AMPH: variants seen among roughly 807,000 people sequenced by gnomAD.
AMPH encodes amphiphysin (Stiff-Mann syndrome with breast cancer 128kD autoantigen).
In AMPH, 49 loss-of-function variants were observed where a neutral mutation model predicts 99.1. That is an observed-to-expected ratio of 0.49 (90% CI 0.39 to 0.63). The LOEUF is 0.63. Among genes scored for constraint, AMPH ranks in the 20% least tolerant of loss-of-function variants. The pLI is 0.00. For missense variants in AMPH, 759 were observed against 863.4 expected, an observed-to-expected ratio of 0.88 and a Z score of 1.52; for synonymous variants, 314 against 317.3, an observed-to-expected ratio of 0.99 and a Z score of 0.11.
chr7:38,534,922 T>C lies in AMPH; in HGVS notation c.150+9A>G. The C allele has an allele frequency of 6.2e-7, 1 of 1,611,822 alleles. No homozygotes were observed. The highest frequency in any genetic ancestry group is 8.5e-7 in the Non-Finnish European group (1 of 1,178,118). On this transcript the variant is annotated intron_variant, in intron 2 of 20. Transcript: ENST00000356264. ...TTTCCCACTCCAGAAACTAAACAAA[T>C]GGACTCACTTCTTGCCGTTTGAAGT...
intron 1 of AMPH, 115 bp from the exon 2 acceptor site, chr7:38,535,126 A>G (rs1165435845): frequency 2.5e-6 from 2 of 814,328 alleles, no homozygotes; most frequent in Admixed American, 2.4e-5. Flanking sequence ...GAGCAAAACT[A>G]TCAGCACTTC....
At chr7:38,401,943 G>A (rs1412839087) in intron 17 of AMPH, among the ~76,000 whole-genome samples, 2 of 151,986 alleles carry the variant, frequency 1.3e-5, no homozygotes, top group African/African-American at 4.8e-5. Flanking sequence ...CTACCCATGA[G>A]CTGTATCTTC....
At chr7:38,387,244 G>T (rs1481818645) in intron 20 of AMPH, among the ~76,000 whole-genome samples, 1 of 152,086 alleles carries the variant, frequency 6.6e-6, no homozygotes, top group Non-Finnish European at 1.5e-5. Context: ...AAAATTATTA[G>T]ACATGGAAAA....
In AMPH at chr7:38,571,279, T is replaced by TTATATATATTTATATATATA. The variant is rs1562835234; in HGVS notation, c.70-36269_70-36268insTATATATATAAATATATATA. 1.5e-4 allele frequency among the ~76,000 whole-genome samples: 5 copies of TTATATATATTTATATATATA among 33,808 alleles called. 1 individual carries two copies. The highest frequency in any genetic ancestry group is 2.2e-4 in the Non-Finnish European group (5 of 22,322). The allele number at this position is 33,808 out of a possible 152,430, so 22.2% of individuals were successfully genotyped here. A position where few individuals can be genotyped will look rare whatever the true frequency, so the allele number is the denominator to read the frequency against. On this transcript the variant is annotated intron_variant, in intron 1 of 20. Transcript: ENST00000356264. ...ATTAAATATATATTTATATATATAT[T>TTATATATATTTATATATATA]TTTATATATATTTATATATGAATAT... is the stretch of plus-strand genomic sequence containing the variant.
intron 2 of AMPH, among the ~76,000 whole-genome samples, chr7:38,515,780 G>A (rs760622814): frequency 2.0e-5 from 3 of 152,240 alleles, no homozygotes; most frequent in Non-Finnish European, 4.4e-5. Flanking sequence ...TCATTAAATT[G>A]TTGTAACCAA....
Position 38,394,158 on chromosome 7 carries a change from C to T in AMPH, c.1455G>A (p.Glu485=). Residue 485 remains glutamate (E), a synonymous_variant, in exon 18 of 21, where the codon GAG becomes GAA. Coordinates refer to ENST00000356264, the MANE Select transcript of AMPH (RefSeq NM_001635.4). ...CCTCTGCTTCCTCTCCTGGGGCCCC[C>T]TCAGCTGCTGACACCAAGGTTCCAA... ...AAVGTLVSAA[E]GAPGEEAEAE... is the part of the protein sequence containing the mutation. 2 of 1,614,236 alleles carry T rather than the reference C, an allele frequency of 1.2e-6. No individual in the cohort carries two copies. Among genetic ancestry groups the T allele is most frequent in the Non-Finnish European group, 1.7e-6 (2 of 1,180,044 alleles).
chr7:38,608,964 C>A (rs912103681), intron 1 of AMPH, among the ~76,000 whole-genome samples: 6 of 152,144 alleles, frequency 3.9e-5, no homozygotes, highest in Non-Finnish European at 8.8e-5. Flanking sequence ...ACGTGCTTTA[C>A]GTAGTCAATG....
intron 1 of AMPH, among the ~76,000 whole-genome samples, chr7:38,576,810 G>C (rs1345430344): frequency 6.6e-6 from 1 of 152,160 alleles, no homozygotes; most frequent in East Asian, 1.9e-4. Context: ...TGGACTTACA[G>C]TCAGAATCCG....
intron 12 of AMPH, among the ~76,000 whole-genome samples, chr7:38,432,587 TACAC>T (rs10556315): frequency 0.35 from 51,307 of 147,976 alleles, 9,513 homozygotes; most frequent in Non-Finnish European, 0.43. Context: ...GTTATTTTAA[TACAC>T]ACACACACAC....
chr7:38,616,301 T>C (rs920010321), intron 1 of AMPH, among the ~76,000 whole-genome samples: 3 of 152,148 alleles, frequency 2.0e-5, no homozygotes, highest in African/African-American at 7.2e-5. Context: ...ATGAGTCCCA[T>C]GGGGATGCAG....
chr7:38,570,093 T>C (rs1791887782), intron 1 of AMPH, among the ~76,000 whole-genome samples: 1 of 152,160 alleles, frequency 6.6e-6, no homozygotes, highest in Non-Finnish European at 1.5e-5. Context: ...TAACGAGTCC[T>C]GGAATTGGAG....
At chr7:38,427,451 G>A (rs1372478005) in intron 14 of AMPH, among the ~76,000 whole-genome samples, 7 of 152,158 alleles carry the variant, frequency 4.6e-5, no homozygotes, top group Non-Finnish European at 1.0e-4. Flanking sequence ...AACCACTTCA[G>A]GAACAGTAAA....
intron 16 of AMPH, 172 bp from the exon 17 acceptor site, chr7:38,418,122 A>G: frequency 1.8e-6 from 1 of 558,048 alleles, no homozygotes; most frequent in Non-Finnish European, 2.9e-6. Flanking sequence ...TAGAGAATGG[A>G]AAAGACTAGA....
At chr7:38,503,494 G>C (rs544003232) in intron 3 of AMPH, among the ~76,000 whole-genome samples, 156 bp downstream of exon 3, 1 of 108,194 alleles carries the variant, frequency 9.2e-6, no homozygotes, top group East Asian at 4.6e-4. Flanking sequence ...GGAATTTGGG[G>C]CGGGGGGGTG....
In AMPH at chr7:38,556,494, C is replaced by T. The variant is rs6462850; in HGVS notation, c.70-21483G>A. ...CTCACCAGATATGGGGAGATACCAG[C>T]GAAGGCCCTCACTCACTGTAGTCCC... On this transcript the variant is annotated intron_variant, in intron 1 of 20. Coordinates refer to ENST00000356264, the MANE Select transcript of AMPH (RefSeq NM_001635.4). Among the ~76,000 whole-genome samples the T allele has an allele frequency of 4.8e-4, 73 of 152,146 alleles. No homozygotes were observed. The South Asian group carries it at 6.6e-3, about 14-fold the overall frequency.
chr7:38,534,939 G>A lies in AMPH; in HGVS notation c.142C>T (p.Arg48Trp), dbSNP rs147234401. ...TAAACAAATGGACTCACTTCTTGCC[G>A]TTTGAAGTTCTGGACATATTCTTCG... ...QFEEYVQNFK[R>W]QEAEGTRLQR... is the part of the protein sequence containing the mutation. Residue 48 changes from arginine to tryptophan, a missense_variant, in exon 2 of 21, where the codon CGG becomes TGG. Around this residue, in one of 2 missense-constraint regions of AMPH, gnomAD observed 205 missense variants for 287.9 expected, o/e 0.71. Transcript: ENST00000356264. 3,208 of 1,613,644 alleles carry A rather than the reference G, an allele frequency of 2.0e-3. 8 individuals are homozygous for A. The highest frequency in any genetic ancestry group is 2.6e-3 in the Non-Finnish European group (3,021 of 1,179,742).
At chr7:38,548,683 C>T (rs1187095721) in intron 1 of AMPH, among the ~76,000 whole-genome samples, 1 of 152,124 alleles carries the variant, frequency 6.6e-6, no homozygotes, top group Non-Finnish European at 1.5e-5. Flanking sequence ...CCGAGCAGGT[C>T]TTCTGGTCCA....
At chr7:38,432,095 T>A (rs1383826028) in intron 13 of AMPH, 94 bp downstream of exon 13, 1 of 1,093,892 alleles carries the variant, frequency 9.1e-7, no homozygotes. Flanking sequence ...AATGTATGTG[T>A]CTTCTTTCTG....
At chr7:38,412,807 A>G (rs751840293) in intron 17 of AMPH, among the ~76,000 whole-genome samples, 4 of 152,162 alleles carry the variant, frequency 2.6e-5, no homozygotes, top group African/African-American at 7.2e-5. Context: ...TTCTCTGAAT[A>G]CTCACATCTC....
Sources: allele counts gnomAD v4.1 joint callset (sites outside exome capture counted in the v4.1 genomes callset), GRCh38; gene constraint gnomAD v4.1.1; regional missense constraint gnomAD v4.1.1; transcripts MANE v1.5; gene names NCBI Gene and HGNC (gene_info 2026-07-23, HGNC 2026-07-21).